MTHFD1L: variants seen among roughly 807,000 people sequenced by gnomAD.
The protein encoded by MTHFD1L is methylenetetrahydrofolate dehydrogenase (NADP+ dependent) 1 like, also known as monofunctional C1-tetrahydrofolate synthase, mitochondrial.
A neutral mutation model predicts 119.5 loss-of-function variants in MTHFD1L; 81 were observed. The ratio of observed to expected loss-of-function variants is 0.68; its 90% CI spans 0.57 to 0.82. The LOEUF (loss-of-function observed/expected upper bound fraction) is 0.82, where lower values mean the gene tolerates loss of function less well. Among genes scored for constraint, MTHFD1L ranks in the 40% least tolerant of loss-of-function variants. The pLI, the probability that MTHFD1L is intolerant of heterozygous loss-of-function variation, is 0.00. For missense variants in MTHFD1L, 1,125 were observed against 1,253.4 expected, an observed-to-expected ratio of 0.90 and a Z score of 1.55; for synonymous variants, 430 against 475.2, an observed-to-expected ratio of 0.90 and a Z score of 1.24.
At chr6:150,910,476 T>C (rs1786689295) in intron 8 of MTHFD1L, among the ~76,000 whole-genome samples, 1 of 148,644 alleles carries the variant, frequency 6.7e-6, no homozygotes, top group South Asian at 2.1e-4. Flanking sequence ...GGCAGGAGAA[T>C]CGCTTGAACC....
intron 16 of MTHFD1L, among the ~76,000 whole-genome samples, chr6:150,955,743 A>G (rs1738590): frequency 0.29 from 44,502 of 151,648 alleles, 6,800 homozygotes; most frequent in East Asian, 0.49. Context: ...CAAACGATCC[A>G]CCCACCTCAG....
chr6:150,872,106 G>A (rs1375995915), intron 1 of MTHFD1L, among the ~76,000 whole-genome samples: 1 of 151,758 alleles, frequency 6.6e-6, no homozygotes, highest in Non-Finnish European at 1.5e-5. Flanking sequence ...TCCAACTCCT[G>A]ACCTCGTGAT....
intron 20 of MTHFD1L, chr6:150,985,058 T>C (rs1778077047): frequency 6.6e-6 from 1 of 152,218 alleles, no homozygotes; most frequent in African/African-American, 2.4e-5. Context: ...AGGCATGAAG[T>C]GCAGTGATGA....
At chr6:150,999,383 T>G (rs906585032) in intron 20 of MTHFD1L, among the ~76,000 whole-genome samples, 2 of 152,034 alleles carry the variant, frequency 1.3e-5, no homozygotes, top group African/African-American at 4.8e-5. Flanking sequence ...TTCTCAGGAG[T>G]TGCAAGAATA....
chr6:151,078,401 C>CT (rs1405359272), intron 26 of MTHFD1L, among the ~76,000 whole-genome samples: 1 of 152,156 alleles, frequency 6.6e-6, no homozygotes, highest in Non-Finnish European at 1.5e-5. Flanking sequence ...TTAATTTTCT[C>CT]TTTTTTCTGC....
chr6:150,961,504 A>G (rs1055394415), intron 18 of MTHFD1L, among the ~76,000 whole-genome samples: 1 of 152,170 alleles, frequency 6.6e-6, no homozygotes, highest in African/African-American at 2.4e-5. Flanking sequence ...CATTACTCCA[A>G]ATTTAAGTTT....
At chr6:150,998,879 A>G (rs1780198150) in intron 20 of MTHFD1L, among the ~76,000 whole-genome samples, 1 of 151,184 alleles carries the variant, frequency 6.6e-6, no homozygotes. Context: ...AGTCCCAGCT[A>G]TTTGGGAGGC....
chr6:150,945,610 C>A, intron 15 of MTHFD1L, 69 bp downstream of exon 15: 1 of 1,483,124 alleles, frequency 6.7e-7, no homozygotes, highest in South Asian at 1.2e-5. Flanking sequence ...ATTGTCAAAG[C>A]CTGAAATTTT....
intron 10 of MTHFD1L, among the ~76,000 whole-genome samples, chr6:150,924,267 C>T (rs934440946): frequency 2.6e-5 from 4 of 152,192 alleles, no homozygotes; most frequent in Admixed American, 1.3e-4. Context: ...GTTGCCCAGG[C>T]TGGAGTGCAG....
chr6:150,890,857 G>A (rs543759584), intron 7 of MTHFD1L, among the ~76,000 whole-genome samples: 3 of 152,332 alleles, frequency 2.0e-5, no homozygotes, highest in African/African-American at 7.2e-5. Context: ...GCCCATCAGG[G>A]TGAAAGGATA....
chr6:151,037,093 G>A lies in MTHFD1L; in HGVS notation c.2823G>A (p.Gly941=). 6.2e-7 allele frequency: 1 copy of A among 1,611,972 alleles called. No individual in the cohort carries two copies. Among genetic ancestry groups the A allele is most frequent in the East Asian group, 2.2e-5 (1 of 44,876 alleles). Residue 941 remains glycine, a synonymous_variant, in exon 26 of 28, where the codon GGG becomes GGA. Transcript: ENST00000367321. ...ISDVRASIGA[G]FIYPLVGTMS... ...ACGTCCGGGCCAGCATAGGCGCTGG[G>A]TTCATTTACCCTTTGGTCGGAACGG...
At chr6:150,867,019 CTTCT>C (rs1411308169) in intron 1 of MTHFD1L, among the ~76,000 whole-genome samples, 1 of 152,184 alleles carries the variant, frequency 6.6e-6, no homozygotes, top group South Asian at 2.1e-4. Context: ...TCCTTCTAGC[CTTCT>C]TTCTTAGTCA....
rs562283052 is a variant in MTHFD1L at position 150,951,033 on chromosome 6, G to GTTTT, written c.1726+1907_1726+1910dup. Among the ~76,000 whole-genome samples the GTTTT allele has an allele frequency of 1.2e-4, 15 of 125,956 alleles. 2 individuals are homozygous for GTTTT. The highest frequency in any genetic ancestry group is 1.9e-4 in the Non-Finnish European group (11 of 58,700). 82.6% of individuals were successfully genotyped at this position (125,956 alleles called of 152,430 possible). A position where few individuals can be genotyped will look rare whatever the true frequency, so the allele number is the denominator to read the frequency against. ...CTAAAATCTCCTTGGAAACTTTATGGTTTTTTTTTTGTTTTTTTTTTGAGA... is the reference window on the plus strand; with the variant it reads ...CTAAAATCTCCTTGGAAACTTTATGGTTTTTTTTTTTTTTGTTTTTTTTTTGAGA... On this transcript the variant is annotated intron_variant, in intron 16 of 27. Coordinates refer to ENST00000367321, the MANE Select transcript of MTHFD1L (RefSeq NM_015440.5).
chr6:150,999,315 T>C (rs1232690769), intron 20 of MTHFD1L, among the ~76,000 whole-genome samples: 1 of 152,156 alleles, frequency 6.6e-6, no homozygotes, highest in African/African-American at 2.4e-5. Flanking sequence ...GGCTAAATCA[T>C]GTTAATGGCC....
At chr6:150,993,219 A>C (rs550398) in intron 20 of MTHFD1L, among the ~76,000 whole-genome samples, 12,805 of 152,304 alleles carry the variant, frequency 0.084, 721 homozygotes, top group Non-Finnish European at 0.12. Context: ...TATTTTAAAC[A>C]AGTATGAAAA....
At chr6:150,905,056 T>TA (rs1479075630) in intron 7 of MTHFD1L, among the ~76,000 whole-genome samples, 5 of 150,112 alleles carry the variant, frequency 3.3e-5, no homozygotes, top group African/African-American at 1.2e-4. Flanking sequence ...TTTTTTTTTT[T>TA]TGAGACAGGG....
chr6:150,985,468 C>T (rs1322829233), intron 20 of MTHFD1L, among the ~76,000 whole-genome samples: 2 of 151,802 alleles, frequency 1.3e-5, no homozygotes, highest in Admixed American at 1.3e-4. Context: ...TTGAGACCAG[C>T]TTGGCCAACA....
At chr6:150,916,737 CTTTTTTTTTTTTTTTTTTTTTTT>C (rs57961829) in intron 8 of MTHFD1L, among the ~76,000 whole-genome samples, 2 of 72,136 alleles carry the variant, frequency 2.8e-5, no homozygotes, top group Non-Finnish European at 5.8e-5. Context: ...GATTCTATCC[CTTTTTTTTTTTTTTTTTTTTTTT>C]TTTTTTTTTT....
At chr6:150,870,952 T>C (rs1174785827) in intron 1 of MTHFD1L, among the ~76,000 whole-genome samples, 1 of 141,974 alleles carries the variant, frequency 7.0e-6, no homozygotes, top group East Asian at 2.0e-4. Flanking sequence ...AAAAAACATA[T>C]ATATATATAT....
Sources: gnomAD v4.1 joint callset for allele counts (sites outside exome capture counted in the v4.1 genomes callset) on GRCh38, gnomAD v4.1.1 for gene constraint, MANE v1.5 for transcripts, NCBI Gene and HGNC (gene_info 2026-07-23, HGNC 2026-07-21) for gene names.